The following RGS7 variants were observed in gnomAD, a reference collection of about 807,000 sequenced individuals.
RGS7 encodes regulator of G protein signaling 7.
Under a neutral mutation model 81.1 loss-of-function variants are expected in RGS7, and 27 were observed. The ratio of observed to expected loss-of-function variants is 0.33; its 90% CI spans 0.25 to 0.46. The LOEUF (loss-of-function observed/expected upper bound fraction) is 0.46, where lower values mean the gene tolerates loss of function less well. Among genes scored for constraint, RGS7 ranks in the 20% least tolerant of loss-of-function variants. RGS7 has a pLI of 1.00. For synonymous variants in RGS7, 208 were observed against 207.7 expected (o/e 1.00, Z -0.01); for missense variants, 396 against 607.4 (o/e 0.65, Z 3.66).
intron 2 of RGS7, among the ~76,000 whole-genome samples, chr1:241,225,665 C>A (rs1304962073): frequency 6.6e-6 from 1 of 152,158 alleles, no homozygotes; most frequent in Admixed American, 6.5e-5. Context: ...TTCCACCAAG[C>A]TTCTCTTTTG....
At chr1:241,289,045 G>A (rs1233754719) in intron 2 of RGS7, among the ~76,000 whole-genome samples, 1 of 152,202 alleles carries the variant, frequency 6.6e-6, no homozygotes, top group Non-Finnish European at 1.5e-5. Context: ...CACTACTGCT[G>A]TTTTGGCTGT....
intron 2 of RGS7, among the ~76,000 whole-genome samples, chr1:241,190,066 G>A (rs574106789): frequency 3.8e-4 from 58 of 152,086 alleles, no homozygotes; most frequent in East Asian, 2.7e-3. Context: ...TGGCGCCACT[G>A]CACTCCAGCC....
At chr1:240,848,067 T>A (rs536751280) in intron 9 of RGS7, among the ~76,000 whole-genome samples, 1 of 152,298 alleles carries the variant, frequency 6.6e-6, no homozygotes, top group South Asian at 2.1e-4. Flanking sequence ...TTCTGCAAGA[T>A]CAAAATTATT....
chr1:240,992,510 T>TAAACAAAAACAA (rs549413469), intron 3 of RGS7, among the ~76,000 whole-genome samples: 2 of 151,710 alleles, frequency 1.3e-5, no homozygotes, highest in Non-Finnish European at 2.9e-5. Flanking sequence ...TCTCACAAAA[T>TAAACAAAAACAA]AAACAAAAAC....
In RGS7 at chr1:241,295,470, A is replaced by G. The variant is rs534043482; in HGVS notation, c.78+60229T>C. Among the ~76,000 whole-genome samples the G allele has an allele frequency of 2.5e-4, 38 of 151,920 alleles. 2 individuals carry two copies. Among genetic ancestry groups the G allele is most frequent in the Non-Finnish European group, 4.9e-4 (33 of 67,988 alleles). ...TCTGTCTCAAAAAAAGAAGAAAAAAAAAAGATATGTTTACAAATATACAGA... is the reference window on the plus strand; with the variant it reads ...TCTGTCTCAAAAAAAGAAGAAAAAAGAAAGATATGTTTACAAATATACAGA... On this transcript the variant is annotated intron_variant, in intron 2 of 18. Transcript: ENST00000440928.
At chr1:240,920,971 A>G (rs557847823) in intron 6 of RGS7, among the ~76,000 whole-genome samples, 2 of 151,898 alleles carry the variant, frequency 1.3e-5, no homozygotes, top group South Asian at 4.2e-4. Context: ...TACTGTATAA[A>G]GTTAGTCTGC....
intron 2 of RGS7, among the ~76,000 whole-genome samples, chr1:241,257,429 A>C (rs1043732031): frequency 6.6e-6 from 1 of 152,210 alleles, no homozygotes; most frequent in Non-Finnish European, 1.5e-5. Context: ...CATTTAAACC[A>C]TAGAAATCAC....
chr1:240,845,008 A>G (rs1216427219), intron 9 of RGS7, among the ~76,000 whole-genome samples: 1 of 152,230 alleles, frequency 6.6e-6, no homozygotes, highest in Non-Finnish European at 1.5e-5. Flanking sequence ...TATGTAACTG[A>G]TATCTTCCAA....
At chr1:241,314,974 T>C (rs769567988) in intron 2 of RGS7, among the ~76,000 whole-genome samples, 1 of 152,156 alleles carries the variant, frequency 6.6e-6, no homozygotes, top group African/African-American at 2.4e-5. Flanking sequence ...AGTCAAGATA[T>C]ATTTTAAAGT....
At chr1:241,235,871 G>C (rs1036842265) in intron 2 of RGS7, among the ~76,000 whole-genome samples, 1 of 135,034 alleles carries the variant, frequency 7.4e-6, no homozygotes, top group Non-Finnish European at 1.6e-5. Flanking sequence ...CTAATATAGG[G>C]AGTGAGATAC....
intron 9 of RGS7, among the ~76,000 whole-genome samples, chr1:240,842,746 T>TCTTCCTTC (rs1339129975): frequency 6.6e-5 from 10 of 151,982 alleles, no homozygotes; most frequent in African/African-American, 2.4e-4. Flanking sequence ...TTCCTTTCTT[T>TCTTCCTTC]CTTTCTTCCT....
At chr1:241,191,069 C>A (rs937796972) in intron 2 of RGS7, among the ~76,000 whole-genome samples, 4 of 152,016 alleles carry the variant, frequency 2.6e-5, no homozygotes, top group Non-Finnish European at 4.4e-5. Flanking sequence ...GCAACCTCCG[C>A]CTCCTGGGTT....
At chr1:241,059,174 T>C (rs1453572533) in intron 3 of RGS7, among the ~76,000 whole-genome samples, 1 of 152,022 alleles carries the variant, frequency 6.6e-6, no homozygotes, top group Non-Finnish European at 1.5e-5. Context: ...TCTGCTTTCC[T>C]TACCTAGATC....
At chr1:241,268,668 C>G (rs1174707658) in intron 2 of RGS7, among the ~76,000 whole-genome samples, 1 of 152,020 alleles carries the variant, frequency 6.6e-6, no homozygotes, top group Admixed American at 6.5e-5. Flanking sequence ...TGCAATTTTG[C>G]CTCGTGTTAT....
Position 241,087,508 on chromosome 1 carries a change from AG to A in RGS7, c.175+11157del, listed in dbSNP as rs931734990. ...TGATGTTAGATGCTCTTTATGGTAC[AG>A]GGGTTAGCAGAGTGGGTACATGGAA... is the stretch of plus-strand genomic sequence containing the variant. On this transcript the variant is annotated intron_variant, in intron 3 of 18. Coordinates refer to ENST00000440928, the MANE Select transcript of RGS7 (RefSeq NM_001364886.1). Among the ~76,000 whole-genome samples, 8 of 152,316 alleles carry A rather than the reference AG, an allele frequency of 5.3e-5. No homozygotes were observed. In the East Asian group the frequency reaches 9.7e-4, roughly 18 times the overall value.
chr1:240,843,292 G>T (rs1378654671), intron 9 of RGS7, among the ~76,000 whole-genome samples: 13 of 151,974 alleles, frequency 8.6e-5, no homozygotes, highest in Non-Finnish European at 1.9e-4. Context: ...TTGGGACAGG[G>T]TCTTGCTCTG....
intron 2 of RGS7, among the ~76,000 whole-genome samples, chr1:241,198,932 A>G (rs573319379): frequency 6.6e-6 from 1 of 152,308 alleles, no homozygotes; most frequent in African/African-American, 2.4e-5. Context: ...AAATATTACA[A>G]ATTTGTGCTA....
At chr1:241,218,091 G>A (rs950758789) in intron 2 of RGS7, among the ~76,000 whole-genome samples, 1 of 152,150 alleles carries the variant, frequency 6.6e-6, no homozygotes, top group Admixed American at 6.5e-5. Context: ...ATAATTGCAT[G>A]ATGTTCTTCC....
chr1:241,116,895 TAC>T (rs1437389955), intron 2 of RGS7, among the ~76,000 whole-genome samples: 1 of 152,172 alleles, frequency 6.6e-6, no homozygotes, highest in African/African-American at 2.4e-5. Flanking sequence ...TTTCTTCTAA[TAC>T]ACATTATTTA....
Sources: allele counts gnomAD v4.1 joint callset (sites outside exome capture counted in the v4.1 genomes callset), GRCh38; gene constraint gnomAD v4.1.1; transcripts MANE v1.5; gene names NCBI Gene and HGNC (gene_info 2026-07-23, HGNC 2026-07-21).